The following RAB28 variants were observed in gnomAD, a reference collection of about 807,000 sequenced individuals.
RAB28 encodes the protein ras-related protein Rab-28.
RAB28 carries 24 observed loss-of-function variants against 31.7 expected under a neutral mutation model. That is an observed-to-expected ratio of 0.76 (90% CI 0.55 to 1.06). RAB28 has a LOEUF of 1.06. RAB28 is among the 50% of genes least tolerant of loss of function. The pLI is 0.00. For synonymous variants in RAB28, 100 were observed against 90.4 expected (o/e 1.11, Z -0.60); for missense variants, 254 against 258.5 (o/e 0.98, Z 0.12).
chr4:13,479,663 T>C, intron 1 of RAB28, 137 bp from the exon 2 acceptor site: 1 of 605,370 alleles, frequency 1.7e-6, no homozygotes, highest in Non-Finnish European at 2.8e-6. Context: ...TCTAATCAGT[T>C]ACAAGGAGGG....
At chr4:13,410,606 A>G (rs1167820315) in intron 4 of RAB28, among the ~76,000 whole-genome samples, 2 of 152,198 alleles carry the variant, frequency 1.3e-5, no homozygotes, top group African/African-American at 4.8e-5. Context: ...AGCTCCTATC[A>G]GATCTTAAAC....
rs571918936 is a variant in RAB28 at position 13,428,873 on chromosome 4, A to G, written c.391+31826T>C. 1.3e-4 allele frequency among the ~76,000 whole-genome samples: 19 copies of G among 151,294 alleles called. No homozygotes were observed. The South Asian group carries it at 1.5e-3, about 12-fold the overall frequency. On this transcript the variant is annotated intron_variant, in intron 4 of 6. Coordinates refer to ENST00000330852, the MANE Select transcript of RAB28 (RefSeq NM_001017979.3). ...TCATAATAACACTGAAATAAAGGGGAAAAAAAATAAATGATCATCTAAATA... is the reference window on the plus strand; with the variant it reads ...TCATAATAACACTGAAATAAAGGGGGAAAAAAATAAATGATCATCTAAATA...
At position 13,460,815 on chromosome 4, in the gene RAB28, A is replaced by T. The variant is rs1463269440; in HGVS notation, c.275T>A (p.Val92Glu). 2 of 1,611,946 alleles carry T rather than the reference A, an allele frequency of 1.2e-6. No individual in the cohort carries two copies. The highest frequency in any genetic ancestry group is 3.4e-5 in the Admixed American group (2 of 59,688). The part of the protein sequence containing the change: ...YIYGAQGVLL[V>E]YDITNYQSFE... ...GCTTTGATAATTTGTAATATCATAT[A>T]CCAAGAGGACTCCCTGTCACAAAAG... Residue 92 changes from valine to glutamate, a missense_variant, in exon 4 of 7, where the codon GTA (valine) becomes GAA (glutamate). Physicochemically the swap from Val to Glu is moderately radical, Grantham distance 121 (BLOSUM62 -2). Coordinates refer to ENST00000330852, the MANE Select transcript of RAB28 (RefSeq NM_001017979.3).
chr4:13,386,293 A>T (rs113257550), intron 4 of RAB28, among the ~76,000 whole-genome samples: 3 of 152,172 alleles, frequency 2.0e-5, no homozygotes, highest in African/African-American at 7.2e-5. Flanking sequence ...TCTCCACAGC[A>T]AAAGAAACTA....
intron 4 of RAB28, among the ~76,000 whole-genome samples, chr4:13,446,333 T>C (rs1714693851): frequency 6.6e-6 from 1 of 152,140 alleles, no homozygotes; most frequent in Admixed American, 6.5e-5. Context: ...CTGAGCAAGA[T>C]CGCTTGGCTC....
chr4:13,441,032 G>A (rs1714385554), intron 4 of RAB28, among the ~76,000 whole-genome samples: 1 of 151,990 alleles, frequency 6.6e-6, no homozygotes, highest in African/African-American at 2.4e-5. Flanking sequence ...TAAGTGGGAA[G>A]GAAGGAAAAA....
intron 4 of RAB28, among the ~76,000 whole-genome samples, chr4:13,433,166 G>A (rs1475957607): frequency 6.6e-6 from 1 of 150,542 alleles, no homozygotes; most frequent in Admixed American, 6.6e-5. Context: ...AAAAGAGCAG[G>A]GGTTGCTATT....
At chr4:13,414,875 T>C (rs559329713) in intron 4 of RAB28, among the ~76,000 whole-genome samples, 2 of 152,304 alleles carry the variant, frequency 1.3e-5, no homozygotes, top group South Asian at 2.1e-4. Flanking sequence ...GTTCTTAATA[T>C]GAAGATGAAT....
chr4:13,396,475 T>C (rs1394036413), intron 4 of RAB28, among the ~76,000 whole-genome samples: 1 of 152,038 alleles, frequency 6.6e-6, no homozygotes, highest in Non-Finnish European at 1.5e-5. Context: ...TATGATGACA[T>C]AGTAAATCAT....
At position 13,392,927 on chromosome 4, in the gene RAB28, T is replaced by C. The variant is rs563056914; in HGVS notation, c.392-11333A>G. ...TACCTATCTCATAAGGTTGCTATAA[T>C]GGATAAGATGAATAAATACACAAAA... On this transcript the variant is annotated intron_variant, in intron 4 of 6. Coordinates refer to ENST00000330852, the MANE Select transcript of RAB28 (RefSeq NM_001017979.3). 7.9e-5 allele frequency among the ~76,000 whole-genome samples: 12 copies of C among 152,336 alleles called. No individual in the cohort carries two copies. In the South Asian group the frequency reaches 2.5e-3, roughly 32 times the overall value.
intron 5 of RAB28, 41 bp from the exon 6 acceptor site, chr4:13,376,663 T>C (rs749790445): frequency 1.5e-6 from 2 of 1,348,864 alleles, no homozygotes; most frequent in South Asian, 1.4e-5. Context: ...AAAAGAGGCA[T>C]GCTTAAGTTA....
intron 4 of RAB28, among the ~76,000 whole-genome samples, chr4:13,439,627 A>AT (rs1300652889): frequency 1.3e-5 from 2 of 152,204 alleles, no homozygotes; most frequent in Non-Finnish European, 2.9e-5. Flanking sequence ...GATTACCGGC[A>AT]TAAGCACTTG....
intron 4 of RAB28, among the ~76,000 whole-genome samples, chr4:13,389,217 TATC>T (rs1201280152): frequency 5.3e-5 from 8 of 152,196 alleles, no homozygotes; most frequent in African/African-American, 1.9e-4. Context: ...CAAATGCAAA[TATC>T]ATATGATTCC....
At chr4:13,478,228 C>A (rs1716453460) in intron 2 of RAB28, among the ~76,000 whole-genome samples, 1 of 151,586 alleles carries the variant, frequency 6.6e-6, no homozygotes, top group African/African-American at 2.4e-5. Context: ...ATGACATTTT[C>A]AGTTTTGGAT....
intron 3 of RAB28, among the ~76,000 whole-genome samples, chr4:13,467,300 A>C (rs1328736695): frequency 6.6e-6 from 1 of 151,894 alleles, no homozygotes; most frequent in Non-Finnish European, 1.5e-5. Context: ...AACCGATTAT[A>C]AACTTCCAGT....
At chr4:13,422,804 C>T (rs756082191) in intron 4 of RAB28, among the ~76,000 whole-genome samples, 8 of 151,542 alleles carry the variant, frequency 5.3e-5, no homozygotes, top group South Asian at 2.1e-4. Context: ...ATGTAAATGA[C>T]GAGTTAATGG....
At chr4:13,371,945 G>A in intron 6 of RAB28, 2 of 1,350,756 alleles carry the variant, frequency 1.5e-6, no homozygotes, top group Non-Finnish European at 2.1e-6. Context: ...AGTGTATACT[G>A]GAAATGGAAG....
chr4:13,393,326 C>T (rs1729730048), intron 4 of RAB28, among the ~76,000 whole-genome samples: 1 of 152,132 alleles, frequency 6.6e-6, no homozygotes, highest in Non-Finnish European at 1.5e-5. Flanking sequence ...GGAATATGTA[C>T]AAAAGCATCT....
At chr4:13,384,910 G>A (rs1356539832) in intron 4 of RAB28, among the ~76,000 whole-genome samples, 1 of 152,124 alleles carries the variant, frequency 6.6e-6, no homozygotes, top group African/African-American at 2.4e-5. Context: ...GGATAGAAAC[G>A]AAGGTCACTG....
Sources: gnomAD v4.1 joint callset for allele counts (sites outside exome capture counted in the v4.1 genomes callset) on GRCh38, gnomAD v4.1.1 for gene constraint, MANE v1.5 for transcripts, NCBI Gene and HGNC (gene_info 2026-07-23, HGNC 2026-07-21) for gene names.